Variants in ALS2 observed in about 807,000 individuals in gnomAD.
The protein encoded by ALS2 is alsin.
A neutral mutation model predicts 203.4 loss-of-function variants in ALS2; 117 were observed. The ratio of observed to expected loss-of-function variants is 0.58; its 90% CI spans 0.50 to 0.67. The LOEUF (loss-of-function observed/expected upper bound fraction) is 0.67, where lower values mean the gene tolerates loss of function less well. Among genes scored for constraint, ALS2 ranks in the 30% least tolerant of loss-of-function variants. The pLI, the probability that ALS2 is intolerant of heterozygous loss-of-function variation, is 0.00. For missense variants in ALS2, 1,715 were observed against 1,989.4 expected (o/e 0.86, Z 2.62); for synonymous variants, 718 against 725.9 (o/e 0.99, Z 0.17).
chr2:201,767,256 C>T lies in ALS2; in HGVS notation c.148G>A (p.Val50Met). Reference sequence around the variant, plus strand: ...TCAGTCAGAAGAACTCCATGTTTCACTCCGAGGGCTGCCTGCAAAACAGTC... The same window carrying T: ...TCAGTCAGAAGAACTCCATGTTTCATTCCGAGGGCTGCCTGCAAAACAGTC... ...GKTVLQAALG[V>M]KHGVLLTEDG... Residue 50 changes from valine to methionine, a missense_variant, in exon 3 of 34, where the codon GTG becomes ATG. Val to Met is a conservative substitution (Grantham distance 21). This residue lies in a region of ALS2 where 476 missense variants were observed against 539.3 expected (regional missense o/e 0.88). Coordinates refer to ENST00000264276, the MANE Select transcript of ALS2 (RefSeq NM_020919.4). 6.2e-7 allele frequency: 1 copy of T among 1,614,112 alleles called. No homozygotes were observed. Among genetic ancestry groups the T allele is most frequent in the Non-Finnish European group, 8.5e-7 (1 of 1,180,020 alleles).
At position 201,735,882 on chromosome 2, in the gene ALS2, C is replaced by T. The variant is rs941655291; in HGVS notation, c.2418-2444G>A. Among the ~76,000 whole-genome samples the T allele has an allele frequency of 2.1e-4, 32 of 152,136 alleles. 1 individual carries two copies. The highest frequency in any genetic ancestry group is 2.0e-3 in the Admixed American group (31 of 15,262). On this transcript the variant is annotated intron_variant, in intron 12 of 33. Coordinates refer to ENST00000264276, the MANE Select transcript of ALS2 (RefSeq NM_020919.4). ...GTCTCCATCTATTTTTTGCATCTTC[C>T]TGTAATTAAACTTGCTTTTCTTCAA...
intron 1 of ALS2, among the ~76,000 whole-genome samples, chr2:201,769,693 C>T (rs955442601): frequency 1.3e-5 from 2 of 152,154 alleles, no homozygotes; most frequent in Non-Finnish European, 2.9e-5. Context: ...GAGTGCATTT[C>T]AACTCAGAAA....
Position 201,739,461 on chromosome 2 carries a change from G to A in ALS2, c.2352-726C>T, listed in dbSNP as rs549293893. On this transcript the variant is annotated intron_variant, in intron 11 of 33. Coordinates refer to ENST00000264276, the MANE Select transcript of ALS2 (RefSeq NM_020919.4). ...TTCCCAATTAAGAAATGACAGTGAA[G>A]GCTGGGGGCGGTGGCTCACTCCTGT... Among the ~76,000 whole-genome samples, 432 of 152,182 alleles carry A rather than the reference G, an allele frequency of 2.8e-3. 1 individual carries two copies. The highest frequency in any genetic ancestry group is 0.017 in the Middle Eastern group (5 of 294).
At chr2:201,777,497 T>C (rs1422827813) in intron 1 of ALS2, among the ~76,000 whole-genome samples, 1 of 152,186 alleles carries the variant, frequency 6.6e-6, no homozygotes, top group East Asian at 1.9e-4. Context: ...AAAGTGCTAG[T>C]TTCACAAACT....
chr2:201,728,534 T>C lies in ALS2; in HGVS notation c.2819A>G (p.Asn940Ser). 1 of 1,614,084 alleles carries C rather than the reference T, an allele frequency of 6.2e-7. No homozygotes were observed. Among genetic ancestry groups the C allele is most frequent in the Non-Finnish European group, 8.5e-7 (1 of 1,180,016 alleles). ...RFSVNWFILF[N>S]DALVHAQFST... Reference sequence around the variant, plus strand: ...TACCTGGGCATGGACCAGGGCATCATTAAAGAGAATGAACCAATTCACGGA... The same window carrying C: ...TACCTGGGCATGGACCAGGGCATCACTAAAGAGAATGAACCAATTCACGGA... Residue 940 changes from asparagine to serine, a missense_variant, in exon 15 of 34, where the codon AAT (asparagine) becomes AGT (serine). By Grantham distance (46) the Asn-to-Ser change is conservative. Transcript: ENST00000264276.
At chr2:201,733,167 G>C in intron 13 of ALS2, 109 bp downstream of exon 13, 1 of 1,168,018 alleles carries the variant, frequency 8.6e-7, no homozygotes, top group South Asian at 1.4e-5. Context: ...ATTAGACACA[G>C]GTAAATATTA....
chr2:201,737,881 C>T (rs963716872), intron 12 of ALS2, among the ~76,000 whole-genome samples: 2 of 151,576 alleles, frequency 1.3e-5, no homozygotes, highest in Non-Finnish European at 2.9e-5. Context: ...AAGATTGCGC[C>T]ACTGCATTCC....
At chr2:201,714,346 C>T (rs1690234250) in intron 25 of ALS2, among the ~76,000 whole-genome samples, 1 of 152,164 alleles carries the variant, frequency 6.6e-6, no homozygotes, top group African/African-American at 2.4e-5. Flanking sequence ...CAGTATAAAC[C>T]CTGGGCACTG....
Position 201,718,155 on chromosome 2 carries a change from C to T in ALS2, c.3758G>A (p.Trp1253Ter). The T allele has an allele frequency of 6.2e-7, 1 of 1,613,536 alleles. No homozygotes were observed. The highest frequency in any genetic ancestry group is 8.5e-7 in the Non-Finnish European group (1 of 1,179,480). ...DYIEGYFSGE[W>*]GSGIKITGTY... is the part of the protein sequence containing the mutation. The stretch of plus-strand genomic sequence containing the variant: ...TCCAGTGATTTTTATCCCAGATCCC[C>T]ATTCTCCACTAAAATAACCTTCAAT... Residue 1253 changes from tryptophan to a stop codon, truncating the protein, a stop_gained, in exon 24 of 34, where the codon TGG (tryptophan) becomes TAG (stop). Coordinates refer to ENST00000264276, the MANE Select transcript of ALS2 (RefSeq NM_020919.4). LOFTEE classifies it high-confidence loss of function.
chr2:201,744,273 G>C lies in ALS2; in HGVS notation c.2155C>G (p.Pro719Ala), dbSNP rs756309447. The change falls in exon 10 of 34, where the codon CCT becomes GCT. Residue 719 changes from proline to alanine, a missense_variant. By Grantham distance (27) the Pro-to-Ala change is conservative. Coordinates refer to ENST00000264276, the MANE Select transcript of ALS2 (RefSeq NM_020919.4). ...TGCAACTTACCTAAACTGAGAAGAGGCCTGAGAATCTGAGATTTGATATCA... is the reference window on the plus strand; with the variant it reads ...TGCAACTTACCTAAACTGAGAAGAGCCCTGAGAATCTGAGATTTGATATCA... ...LSDIKSQILR[P>A]LLSLENLGTT... 4 of 1,613,996 alleles carry C rather than the reference G, an allele frequency of 2.5e-6. No homozygotes were observed. The highest frequency in any genetic ancestry group is 1.3e-5 in the African/African-American group (1 of 75,020).
intron 13 of ALS2, 144 bp from the exon 14 acceptor site, chr2:201,729,327 G>A (rs1194259497): frequency 1.2e-6 from 1 of 856,940 alleles, no homozygotes; most frequent in African/African-American, 1.7e-5. Context: ...CACTGCAGGA[G>A]ACTGGGAAAA....
chr2:201,775,934 C>T (rs528794864), intron 1 of ALS2, among the ~76,000 whole-genome samples: 1 of 152,294 alleles, frequency 6.6e-6, no homozygotes, highest in East Asian at 1.9e-4. Context: ...CACCGGTATA[C>T]TCTTGTACCC....
At chr2:201,712,416 C>T (rs1365450983) in intron 25 of ALS2, among the ~76,000 whole-genome samples, 2 of 152,220 alleles carry the variant, frequency 1.3e-5, no homozygotes, top group Non-Finnish European at 2.9e-5. Flanking sequence ...TCAGAACAAA[C>T]ATTTACATTC....
Position 201,754,450 on chromosome 2 carries a change from G to C in ALS2, c.1640+53C>G, listed in dbSNP as rs141939657. On this transcript the variant is annotated intron_variant, in intron 6 of 33. Transcript: ENST00000264276. The stretch of plus-strand genomic sequence containing the variant: ...GTGAGATTTAGAGACCTTCCCAGGA[G>C]AGAGATTATTTGTTTAAGCCAACTT... 4.3e-6 allele frequency: 7 copies of C among 1,609,230 alleles called. No individual in the cohort carries two copies. In the African/African-American group the frequency reaches 9.4e-5, roughly 22 times the overall value.
intron 1 of ALS2, among the ~76,000 whole-genome samples, chr2:201,780,511 A>G (rs1282030851): frequency 6.6e-6 from 1 of 152,190 alleles, no homozygotes; most frequent in Non-Finnish European, 1.5e-5. Context: ...GCATTCAAGA[A>G]ATTCTCGTGA....
intron 1 of ALS2, among the ~76,000 whole-genome samples, chr2:201,773,372 A>T (rs1574809972): frequency 6.6e-6 from 1 of 152,208 alleles, no homozygotes; most frequent in Non-Finnish European, 1.5e-5. Flanking sequence ...AATAAATGAG[A>T]GATGCTCTGG....
intron 1 of ALS2, among the ~76,000 whole-genome samples, chr2:201,770,789 G>C (rs1694339844): frequency 6.6e-6 from 1 of 152,144 alleles, no homozygotes; most frequent in East Asian, 1.9e-4. Flanking sequence ...ATGAGCCAAG[G>C]AATGCAGGTG....
chr2:201,754,732 A>G, intron 5 of ALS2, 61 bp from the exon 6 acceptor site: 1 of 1,566,728 alleles, frequency 6.4e-7, no homozygotes. Context: ...AAAACATATC[A>G]TTTGGACAAA....
intron 20 of ALS2, among the ~76,000 whole-genome samples, chr2:201,725,112 CAA>C (rs200113676): frequency 1.1e-4 from 10 of 90,876 alleles, no homozygotes; most frequent in Admixed American, 1.1e-4. Context: ...GACTTCATCT[CAA>C]AAAAAAAAAA....
Sources: gnomAD v4.1 joint callset for allele counts (sites outside exome capture counted in the v4.1 genomes callset) on GRCh38, gnomAD v4.1.1 for gene constraint, gnomAD v4.1.1 regional missense constraint, MANE v1.5 for transcripts, NCBI Gene and HGNC (gene_info 2026-07-23, HGNC 2026-07-21) for gene names.